Variants in EIF4E3 observed in about 807,000 individuals in gnomAD.
EIF4E3 encodes eukaryotic translation initiation factor 4E type 3.
Under a neutral mutation model 31.7 loss-of-function variants are expected in EIF4E3, and 26 were observed. That is an observed-to-expected ratio of 0.82 (90% CI 0.60 to 1.14). The LOEUF is 1.14. EIF4E3 is among the 50% of genes most tolerant of loss of function. The pLI is 0.00. For missense variants in EIF4E3, 304 were observed against 270.9 expected, an observed-to-expected ratio of 1.12 and a Z score of -0.86; for synonymous variants, 128 against 107.7, an observed-to-expected ratio of 1.19 and a Z score of -1.17.
At chr3:71,750,281 G>T (rs1307228842) in intron 1 of EIF4E3, among the ~76,000 whole-genome samples, 4 of 152,042 alleles carry the variant, frequency 2.6e-5, no homozygotes, top group African/African-American at 7.2e-5. Context: ...TTTCATAAAT[G>T]GACACATTTG....
intron 1 of EIF4E3, among the ~76,000 whole-genome samples, chr3:71,748,379 T>C (rs953392102): frequency 3.9e-5 from 6 of 152,134 alleles, no homozygotes; most frequent in Non-Finnish European, 8.8e-5. Flanking sequence ...TCCCTGTTTA[T>C]ACTGAGGGAT....
chr3:71,751,008 C>T (rs1014310683), intron 1 of EIF4E3, among the ~76,000 whole-genome samples: 54 of 152,020 alleles, frequency 3.6e-4, no homozygotes, highest in Middle Eastern at 3.2e-3. Context: ...ATGATCCACC[C>T]GCCTCGGCCT....
intron 1 of EIF4E3, among the ~76,000 whole-genome samples, chr3:71,731,384 T>G (rs1266541956): frequency 6.6e-6 from 1 of 152,198 alleles, no homozygotes; most frequent in Non-Finnish European, 1.5e-5. Context: ...GTCCCTCCGC[T>G]TGCATGGCTG....
chr3:71,670,944 C>A (rs1036413511), downstream of EIF4E3, among the ~76,000 whole-genome samples: 11 of 152,048 alleles, frequency 7.2e-5, no homozygotes, highest in Admixed American at 6.6e-4. Context: ...GGAAGCCAGT[C>A]TTCTCACTTC....
downstream of EIF4E3, among the ~76,000 whole-genome samples, chr3:71,674,432 G>A (rs72628642): frequency 0.055 from 8,329 of 152,052 alleles, 706 homozygotes; most frequent in East Asian, 0.41. Context: ...ATGTTATGAT[G>A]GCAATAATGC....
At position 71,690,056 on chromosome 3, in the gene EIF4E3, G is replaced by A. The variant is rs1359570883; in HGVS notation, c.582C>T (p.Ile194=). The A allele has an allele frequency of 6.2e-7, 1 of 1,613,604 alleles. No homozygotes were observed. Among genetic ancestry groups the A allele is most frequent in the African/African-American group, 1.3e-5 (1 of 74,932 alleles). The part of the protein sequence containing the change: ...LVGEATVLEK[I]YELLPHITFK... ...AAGTTATGTGGGGCAGAAGTTCATA[G>A]ATCTTTTCTAAAACAGTCGCTTCAC... The change falls in exon 6 of 7, where the codon ATC becomes ATT. Residue 194 remains isoleucine, a synonymous_variant. Transcript: ENST00000425534.
rs575315489 is a variant in EIF4E3, at chr3:71,743,245, T to C, written c.-291+10218A>G. 2.0e-5 allele frequency among the ~76,000 whole-genome samples: 3 copies of C among 152,320 alleles called. No homozygotes were observed. The South Asian group carries it at 6.2e-4, about 32-fold the overall frequency. On this transcript the variant is annotated intron_variant, in intron 1 of 7. Transcript: ENST00000295612. The stretch of plus-strand genomic sequence containing the variant: ...ACGCATGTCTATGTAGAAAACCTGA[T>C]AGAATTTACCCTCAAAAAACTGAAA...
the EIF4E3 span, among the ~76,000 whole-genome samples, chr3:71,667,324 C>A: frequency 3.3e-5 from 5 of 152,196 alleles, no homozygotes; most frequent in Admixed American, 2.0e-4. Context: ...TGGAAGCATT[C>A]CCATTGAAAA....
At chr3:71,712,644 G>GGGGGGGGGGGC (rs35405190) in intron 1 of EIF4E3, among the ~76,000 whole-genome samples, 48 of 123,984 alleles carry the variant, frequency 3.9e-4, no homozygotes, top group South Asian at 8.9e-4. Flanking sequence ...GTGGGCGGGG[G>GGGGGGGGGGGC]AGATTCTAGG....
At chr3:71,661,391 T>C in the EIF4E3 span, among the ~76,000 whole-genome samples, 1 of 152,150 alleles carries the variant, frequency 6.6e-6, no homozygotes, top group Admixed American at 6.5e-5. Flanking sequence ...TCATCCAAAG[T>C]GTGCAACTGC....
At chr3:71,707,654 T>C (rs2049312887) in intron 2 of EIF4E3, among the ~76,000 whole-genome samples, 1 of 152,082 alleles carries the variant, frequency 6.6e-6, no homozygotes, top group Non-Finnish European at 1.5e-5. Context: ...CCTAATCACC[T>C]ATGACGAAAT....
chr3:71,754,368 T>C, upstream of EIF4E3: 1 of 1,327,418 alleles, frequency 7.5e-7, no homozygotes, highest in East Asian at 3.5e-5. The surrounding 1 kb of genome is among the most constrained non-coding windows in gnomAD (Gnocchi z 5.8). Context: ...GCTCTTCTGC[T>C]TCCACGCCGC....
intron 5 of EIF4E3, among the ~76,000 whole-genome samples, chr3:71,692,639 A>G (rs1393465691): frequency 2.0e-5 from 3 of 149,522 alleles, no homozygotes; most frequent in Non-Finnish European, 4.4e-5. Flanking sequence ...TCTGTCACCC[A>G]GGCTGCAGTA....
At chr3:71,743,288 A>T (rs1463771241) in intron 1 of EIF4E3, among the ~76,000 whole-genome samples, 2 of 152,236 alleles carry the variant, frequency 1.3e-5, no homozygotes, top group African/African-American at 4.8e-5. Context: ...GTTTAGCAAA[A>T]TTTCAAAATA....
intron 1 of EIF4E3, among the ~76,000 whole-genome samples, chr3:71,712,528 T>C (rs1255477316): frequency 6.6e-6 from 1 of 150,718 alleles, no homozygotes; most frequent in African/African-American, 2.4e-5. Context: ...TCTTCCTTTA[T>C]CTGACTGCTC....
chr3:71,684,735 G>A lies in EIF4E3; in HGVS notation c.629-7C>T. The A allele has an allele frequency of 6.2e-7, 1 of 1,612,024 alleles. No individual in the cohort carries two copies. The highest frequency in any genetic ancestry group is 8.5e-7 in the Non-Finnish European group (1 of 1,179,224). The stretch of plus-strand genomic sequence containing the variant: ...GCATGATGCTCTTCATGGGCTAAAG[G>A]ACAGAAAAAAAACAAAAAAGAAAAA... On this transcript the variant is annotated splice_region_variant and splice_polypyrimidine_tract_variant and intron_variant, in intron 6 of 6. Coordinates refer to ENST00000425534, the MANE Select transcript of EIF4E3 (RefSeq NM_001134651.2).
intron 3 of EIF4E3, among the ~76,000 whole-genome samples, chr3:71,698,280 C>T (rs9310220): frequency 0.35 from 53,110 of 151,998 alleles, 9,585 homozygotes; most frequent in East Asian, 0.48. Context: ...ATCCTCAAAG[C>T]ACTAGTGCAG....
At chr3:71,753,647 C>CGCGGCGGCGGCGGCGGCGGCGGCGGCG (rs981511310), upstream of EIF4E3, 3 of 147,240 alleles carry the variant, frequency 2.0e-5, no homozygotes, top group Non-Finnish European at 3.0e-5. Flanking sequence ...GAGGGGGCTC[C>CGCGGCGGCGGCGGCGGCGGCGGCGGCG]GCGGCGGCGG....
At chr3:71,719,798 G>T (rs945008995) in intron 1 of EIF4E3, among the ~76,000 whole-genome samples, 3 of 152,078 alleles carry the variant, frequency 2.0e-5, no homozygotes, top group Non-Finnish European at 4.4e-5. Flanking sequence ...AGAATTGCTC[G>T]AGCCCAGGAG....
Sources: allele counts gnomAD v4.1 joint callset (sites outside exome capture counted in the v4.1 genomes callset), GRCh38; gene constraint gnomAD v4.1.1; non-coding constraint Gnocchi (gnomAD v3.1); transcripts MANE v1.5; gene names NCBI Gene and HGNC (gene_info 2026-07-23, HGNC 2026-07-21).